The following SRGAP2C variants were observed in gnomAD, a reference collection of about 807,000 sequenced individuals.
SRGAP2C encodes the protein SLIT-ROBO Rho GTPase activating protein 2C.
SRGAP2C carries 15 observed loss-of-function variants against 25.1 expected under a neutral mutation model. That is an observed-to-expected ratio of 0.60 (90% confidence interval 0.40 to 0.92). The LOEUF is 0.92. SRGAP2C is among the 40% of genes least tolerant of loss of function. SRGAP2C has a pLI of 0.00. For synonymous variants in SRGAP2C, 44 were observed against 96.6 expected (o/e 0.46, Z 3.19); for missense variants, 144 against 264.4 (o/e 0.54, Z 3.16).
intron 2 of SRGAP2C, among the ~76,000 whole-genome samples, chr1:121,208,139 C>G (rs587695183): frequency 6.6e-6 from 1 of 152,182 alleles, no homozygotes; most frequent in Non-Finnish European, 1.5e-5. Context: ...TTACATAACC[C>G]AAACAAATAT....
At chr1:121,310,737 G>T (rs1225297077) in intron 3 of SRGAP2C, among the ~76,000 whole-genome samples, 1 of 88,232 alleles carries the variant, frequency 1.1e-5, no homozygotes, top group African/African-American at 4.0e-5. Flanking sequence ...ATAGTTGTAG[G>T]TATGCGGCGT....
At chr1:121,259,867 TA>T (rs1410936942) in intron 2 of SRGAP2C, among the ~76,000 whole-genome samples, 1,753 of 131,658 alleles carry the variant, frequency 0.013, 56 homozygotes, top group African/African-American at 0.051. Context: ...TTTTTTTTTT[TA>T]AAGAGACAAG....
At chr1:121,350,722 C>G (rs1385779479) in intron 4 of SRGAP2C, among the ~76,000 whole-genome samples, 1 of 151,884 alleles carries the variant, frequency 6.6e-6, no homozygotes, top group East Asian at 1.9e-4. Context: ...AAAGCACAAG[C>G]AACAAAAGAA....
At chr1:121,367,955 C>A (rs2772081) in intron 5 of SRGAP2C, among the ~76,000 whole-genome samples, 30,299 of 69,764 alleles carry the variant, frequency 0.43, 7,127 homozygotes, top group East Asian at 0.61. Flanking sequence ...GGGTGCCTGT[C>A]GTCCCAGCTA....
intron 4 of SRGAP2C, among the ~76,000 whole-genome samples, chr1:121,346,941 G>C (rs1658760403): frequency 6.6e-6 from 1 of 152,060 alleles, no homozygotes; most frequent in Admixed American, 6.6e-5. Flanking sequence ...ACTCCTTCTG[G>C]CCCATAATAC....
intron 4 of SRGAP2C, chr1:121,361,323 G>A (rs1210621038): frequency 1.6e-5 from 2 of 122,886 alleles, no homozygotes; most frequent in Non-Finnish European, 3.5e-5. Context: ...CCAAGCTCAG[G>A]AAATGTACTG....
chr1:121,248,483 G>C (rs1424442227), intron 2 of SRGAP2C, among the ~76,000 whole-genome samples: 5 of 130,016 alleles, frequency 3.8e-5, no homozygotes, highest in Non-Finnish European at 8.2e-5. Context: ...GTCTTGCTCT[G>C]TCGCCCAGGC....
intron 2 of SRGAP2C, among the ~76,000 whole-genome samples, chr1:121,189,123 T>TTTTC (rs1247236788): frequency 1.2e-5 from 1 of 84,076 alleles, no homozygotes; most frequent in Non-Finnish European, 2.3e-5. Flanking sequence ...TTTTTTTTTT[T>TTTTC]AACACATCCT....
At chr1:121,192,224 G>A (rs1654705475) in intron 2 of SRGAP2C, among the ~76,000 whole-genome samples, 1 of 150,534 alleles carries the variant, frequency 6.6e-6, no homozygotes, top group South Asian at 2.1e-4. Context: ...CCCCAAGGGA[G>A]CTTTAAATAT....
At chr1:121,236,193 T>C (rs1655953809) in intron 2 of SRGAP2C, among the ~76,000 whole-genome samples, 1 of 151,962 alleles carries the variant, frequency 6.6e-6, no homozygotes, top group Admixed American at 6.6e-5. Context: ...CTGAATTACT[T>C]TTGTGAACCT....
rs1211463871 is a variant in SRGAP2C at position 121,294,590 on chromosome 1, G to GTT, written c.260+9609_260+9610dup. On this transcript the variant is annotated intron_variant, in intron 3 of 9. Coordinates refer to ENST00000367123, the MANE Select transcript of SRGAP2C (RefSeq NM_001329984.2). ...GACTCTAATTGATAATGCATTGGCT[G>GTT]TTTTTTTTTTTTTTTAAATAGACTT... is the stretch of plus-strand genomic sequence containing the variant. Among the ~76,000 whole-genome samples, 423 of 57,930 alleles carry GTT rather than the reference G, an allele frequency of 7.3e-3. 119 individuals are homozygous for GTT. Among genetic ancestry groups the GTT allele is most frequent in the African/African-American group, 0.022 (379 of 17,290 alleles). 38.0% of individuals were successfully genotyped at this position (57,930 alleles called of 152,430 possible). A position where few individuals can be genotyped will look rare whatever the true frequency, so the allele number is the denominator to read the frequency against.
chr1:121,238,624 T>G (rs1356544767), intron 2 of SRGAP2C, among the ~76,000 whole-genome samples: 2 of 151,696 alleles, frequency 1.3e-5, no homozygotes, highest in Non-Finnish European at 1.5e-5. Context: ...TTTTTTTTTT[T>G]CTTTTATGAG....
chr1:121,371,878 C>G (rs2101659913), intron 5 of SRGAP2C, among the ~76,000 whole-genome samples: 1 of 144,194 alleles, frequency 6.9e-6, no homozygotes, highest in South Asian at 2.3e-4. Context: ...CTTTTGAATC[C>G]CATGGTCAGA....
intron 2 of SRGAP2C, among the ~76,000 whole-genome samples, chr1:121,206,470 AG>A (rs1365810099): frequency 3.3e-5 from 5 of 152,224 alleles, no homozygotes; most frequent in African/African-American, 1.2e-4. Flanking sequence ...AACAAAGATC[AG>A]TGGGGGCACT....
At chr1:121,212,987 T>A (rs1655304016) in intron 2 of SRGAP2C, among the ~76,000 whole-genome samples, 1 of 131,740 alleles carries the variant, frequency 7.6e-6, no homozygotes. Context: ...CAGTTTGACC[T>A]ACTTAACAAT....
chr1:121,367,944 C>T (rs1483410113), intron 5 of SRGAP2C, among the ~76,000 whole-genome samples: 9 of 111,506 alleles, frequency 8.1e-5, no homozygotes, highest in Non-Finnish European at 1.1e-4. Context: ...GGCATGGTGG[C>T]GGGTGCCTGT....
chr1:121,288,843 G>A lies in SRGAP2C; in HGVS notation c.260+3848G>A, dbSNP rs1476063531. On this transcript the variant is annotated intron_variant, in intron 3 of 9. Transcript: ENST00000367123. ...AACCTTGAGCTAGATTCAGAGTGCCGATTGGTGTATTTACAGTCCTTGAGC... is the reference window on the plus strand; with the variant it reads ...AACCTTGAGCTAGATTCAGAGTGCCAATTGGTGTATTTACAGTCCTTGAGC... Among the ~76,000 whole-genome samples the A allele has an allele frequency of 8.9e-5, 6 of 67,148 alleles. 1 individual carries two copies. Among genetic ancestry groups the A allele is most frequent in the Non-Finnish European group, 5.7e-5 (2 of 35,376 alleles). The allele number at this position is 67,148 out of a possible 152,430, so 44.1% of individuals were successfully genotyped here.
rs1176319583 is a variant in SRGAP2C, at chr1:121,297,532, A to G, written c.260+12537A>G. ...ATACTTACCTTGAAGGATTCTTCTA[A>G]GGATATATATAATGTATATACAGCA... On this transcript the variant is annotated intron_variant, in intron 3 of 9. Coordinates refer to ENST00000367123, the MANE Select transcript of SRGAP2C (RefSeq NM_001329984.2). Among the ~76,000 whole-genome samples the G allele has an allele frequency of 2.1e-5, 3 of 143,228 alleles. No individual in the cohort carries two copies. The East Asian group carries it at 6.4e-4, about 31-fold the overall frequency. 94.0% of individuals were successfully genotyped at this position (143,228 alleles called of 152,430 possible).
intron 3 of SRGAP2C, among the ~76,000 whole-genome samples, chr1:121,322,886 C>T (rs1658240982): frequency 1.3e-5 from 2 of 152,142 alleles, no homozygotes; most frequent in Admixed American, 1.3e-4. Context: ...ACTCTCAACT[C>T]ACTTTCTTTG....
Sources: gnomAD v4.1 joint callset for allele counts (sites outside exome capture counted in the v4.1 genomes callset) on GRCh38, gnomAD v4.1.1 for gene constraint, MANE v1.5 for transcripts, NCBI Gene and HGNC (gene_info 2026-07-23, HGNC 2026-07-21) for gene names.